The following KCNQ3 variants were observed in gnomAD, a reference collection of about 807,000 sequenced individuals.
KCNQ3 encodes the protein potassium voltage-gated channel subfamily KQT member 3.
KCNQ3 carries 30 observed loss-of-function variants against 92.5 expected under a neutral mutation model. That is an observed-to-expected ratio of 0.32 (90% CI 0.24 to 0.44). KCNQ3 has a LOEUF of 0.44. Among genes scored for constraint, KCNQ3 ranks in the 20% least tolerant of loss-of-function variants. KCNQ3 has a pLI of 1.00. For missense variants in KCNQ3, 913 were observed against 1,140.3 expected, an observed-to-expected ratio of 0.80 and a Z score of 2.87; for synonymous variants, 450 against 468.8, an observed-to-expected ratio of 0.96 and a Z score of 0.52.
At chr8:132,304,471 T>G (rs1817355153) in intron 1 of KCNQ3, among the ~76,000 whole-genome samples, 1 of 152,220 alleles carries the variant, frequency 6.6e-6, no homozygotes, top group African/African-American at 2.4e-5. Context: ...TTCTCATGTC[T>G]GAAATGCAGA....
intron 1 of KCNQ3, among the ~76,000 whole-genome samples, chr8:132,425,253 G>A (rs16904684): frequency 0.066 from 10,027 of 152,254 alleles, 425 homozygotes; most frequent in East Asian, 0.18. Context: ...TATAGAAGGC[G>A]TAGTGGGTAA....
intron 1 of KCNQ3, among the ~76,000 whole-genome samples, chr8:132,350,789 C>T (rs570560412): frequency 2.0e-5 from 3 of 152,218 alleles, no homozygotes; most frequent in Non-Finnish European, 4.4e-5. Context: ...TGTTACCAAA[C>T]CCTCACCCCA....
chr8:132,415,561 C>G (rs374804741), intron 1 of KCNQ3, among the ~76,000 whole-genome samples: 2 of 152,192 alleles, frequency 1.3e-5, no homozygotes, highest in South Asian at 4.1e-4. Context: ...TGCTCAGGGA[C>G]CCAGGCTGCT....
rs989326690 is a variant in KCNQ3 at position 132,141,516 on chromosome 8, C to G, written c.1263-185G>C. 2.6e-5 allele frequency among the ~76,000 whole-genome samples: 4 copies of G among 152,186 alleles called. No homozygotes were observed. In the South Asian group the frequency reaches 8.3e-4, roughly 32 times the overall value. On this transcript the variant is annotated intron_variant, in intron 9 of 14. Coordinates refer to ENST00000388996, the MANE Select transcript of KCNQ3 (RefSeq NM_004519.4). ...CGTGGTTCAAATCCTAGCTCCACAG[C>G]CTGCTAGCTCTTATACCCTGGGCAA...
At chr8:132,231,571 T>C (rs1375648690) in intron 1 of KCNQ3, among the ~76,000 whole-genome samples, 2 of 152,176 alleles carry the variant, frequency 1.3e-5, no homozygotes, top group Admixed American at 6.5e-5. Context: ...GCTTTTTCTC[T>C]ACACACAGAA....
intron 12 of KCNQ3, among the ~76,000 whole-genome samples, chr8:132,135,158 G>A (rs369694131): frequency 3.9e-5 from 6 of 152,184 alleles, no homozygotes; most frequent in South Asian, 2.1e-4. Flanking sequence ...ACCTGTAAGT[G>A]AGAACACGCT....
chr8:132,211,652 T>TA (rs1205896751), intron 1 of KCNQ3, among the ~76,000 whole-genome samples: 2 of 152,198 alleles, frequency 1.3e-5, no homozygotes, highest in East Asian at 1.9e-4. Flanking sequence ...CTATTTTTTT[T>TA]ATTTAAAAAA....
intron 1 of KCNQ3, among the ~76,000 whole-genome samples, chr8:132,453,021 T>TG (rs5895142): frequency 0.93 from 141,393 of 152,222 alleles, 65,680 homozygotes; most frequent in East Asian, 0.94. Context: ...TGGCTGAGAG[T>TG]AAGGTGGTCA....
chr8:132,472,377 G>T (rs2130867550), intron 1 of KCNQ3, among the ~76,000 whole-genome samples: 1 of 152,290 alleles, frequency 6.6e-6, no homozygotes, highest in Non-Finnish European at 1.5e-5. Context: ...ATCAATGGAT[G>T]CACAGATAAA....
At chr8:132,341,609 A>G (rs1279568736) in intron 1 of KCNQ3, among the ~76,000 whole-genome samples, 1 of 152,250 alleles carries the variant, frequency 6.6e-6, no homozygotes, top group Non-Finnish European at 1.5e-5. Flanking sequence ...GAATAAACAA[A>G]GAAACAATGA....
chr8:132,160,477 T>G (rs967128401), intron 9 of KCNQ3, among the ~76,000 whole-genome samples: 7 of 152,188 alleles, frequency 4.6e-5, no homozygotes, highest in African/African-American at 1.7e-4. Flanking sequence ...GGGGTACATC[T>G]TACACTTCAG....
At chr8:132,199,696 G>A (rs545051411) in intron 1 of KCNQ3, among the ~76,000 whole-genome samples, 126 of 152,296 alleles carry the variant, frequency 8.3e-4, no homozygotes, top group African/African-American at 3.0e-3. Flanking sequence ...GATGACCTGA[G>A]GTCAGGAGTT....
intron 1 of KCNQ3, among the ~76,000 whole-genome samples, chr8:132,436,732 T>C (rs1232484682): frequency 6.6e-6 from 1 of 152,198 alleles, no homozygotes; most frequent in South Asian, 2.1e-4. Context: ...AGAAGTAAAA[T>C]AGCCAAACTG....
intron 1 of KCNQ3, among the ~76,000 whole-genome samples, chr8:132,467,354 G>A (rs1029543974): frequency 3.3e-5 from 5 of 152,144 alleles, no homozygotes; most frequent in African/African-American, 7.2e-5. Context: ...AACAAACAAT[G>A]GTGCTACCCC....
chr8:132,293,637 T>C (rs1054066988), intron 1 of KCNQ3, among the ~76,000 whole-genome samples: 1 of 152,186 alleles, frequency 6.6e-6, no homozygotes, highest in African/African-American at 2.4e-5. Flanking sequence ...CTTCTTATTA[T>C]GTGATGCTGT....
chr8:132,195,876 A>C (rs887070110), intron 1 of KCNQ3, among the ~76,000 whole-genome samples: 1 of 152,214 alleles, frequency 6.6e-6, no homozygotes, highest in African/African-American at 2.4e-5. Flanking sequence ...TAGTAATATT[A>C]GACTTTAAAA....
intron 1 of KCNQ3, among the ~76,000 whole-genome samples, chr8:132,295,013 A>G (rs537039712): frequency 6.6e-6 from 1 of 152,342 alleles, no homozygotes; most frequent in African/African-American, 2.4e-5. Flanking sequence ...AAACATCAAA[A>G]GTGCAACAAA....
chr8:132,355,993 C>G (rs28401651), intron 1 of KCNQ3, among the ~76,000 whole-genome samples: 65,124 of 152,030 alleles, frequency 0.43, 15,124 homozygotes, highest in African/African-American at 0.6. Flanking sequence ...GGCTTTGAGG[C>G]CAGGCTCACC....
rs540200777 is a variant in KCNQ3, at chr8:132,221,002, C to T, written c.387-34821G>A. 2.0e-5 allele frequency among the ~76,000 whole-genome samples: 3 copies of T among 152,140 alleles called. No individual in the cohort carries two copies. In the East Asian group the frequency reaches 5.8e-4, roughly 30 times the overall value. On this transcript the variant is annotated intron_variant, in intron 1 of 14. Coordinates refer to ENST00000388996, the MANE Select transcript of KCNQ3 (RefSeq NM_004519.4). ...CCATGACAGGCCCCGGGGTGTGATG[C>T]TCCCCACCCTGTGTCCAAGTGTTCT...
Sources: allele counts gnomAD v4.1 joint callset (sites outside exome capture counted in the v4.1 genomes callset), GRCh38; gene constraint gnomAD v4.1.1; transcripts MANE v1.5; gene names NCBI Gene and HGNC (gene_info 2026-07-23, HGNC 2026-07-21).